PPP3CC: variants seen among roughly 807,000 people sequenced by gnomAD.
The protein encoded by PPP3CC is serine/threonine-protein phosphatase 2B catalytic subunit gamma isoform.
A neutral mutation model predicts 60.3 loss-of-function variants in PPP3CC; 35 were observed. The observed-to-expected ratio is 0.58, with a 90% CI of 0.44 to 0.77. The LOEUF is 0.77. PPP3CC is among the 30% of genes least tolerant of loss of function. The pLI, the probability that PPP3CC is intolerant of heterozygous loss-of-function variation, is 0.00. For synonymous variants in PPP3CC, 206 were observed against 224.3 expected (o/e 0.92, Z 0.73); for missense variants, 570 against 628.9 (o/e 0.91, Z 1.00).
intron 8 of PPP3CC, chr8:22,523,797 C>A: frequency 3.1e-6 from 1 of 317,710 alleles, no homozygotes; most frequent in Non-Finnish European, 6.6e-6. Flanking sequence ...GGGTCAGAAA[C>A]AAGGTATGAT....
At chr8:22,496,661 C>A (rs1467305124) in intron 3 of PPP3CC, among the ~76,000 whole-genome samples, 1 of 151,588 alleles carries the variant, frequency 6.6e-6, no homozygotes, top group Non-Finnish European at 1.5e-5. Context: ...CTACGCCCAG[C>A]TAATTTTTGT....
intron 6 of PPP3CC, among the ~76,000 whole-genome samples, chr8:22,513,661 C>T (rs934607584): frequency 6.6e-6 from 1 of 152,084 alleles, no homozygotes; most frequent in Non-Finnish European, 1.5e-5. Flanking sequence ...CTGCAGTGCT[C>T]TGATATTTTT....
At chr8:22,531,728 A>C (rs1267449217) in intron 10 of PPP3CC, among the ~76,000 whole-genome samples, 2 of 152,260 alleles carry the variant, frequency 1.3e-5, no homozygotes, top group African/African-American at 4.8e-5. Flanking sequence ...AGTGAAGCTT[A>C]TAGAATGAAA....
intron 13 of PPP3CC, among the ~76,000 whole-genome samples, chr8:22,540,041 T>C (rs111381660): frequency 0.018 from 2,795 of 152,346 alleles, 100 homozygotes; most frequent in African/African-American, 0.063. Flanking sequence ...AAAACGCGAA[T>C]GCCTTAACTT....
rs141436519 is a variant in PPP3CC, at chr8:22,469,877, T to A, written c.50-5077T>A. 5.4e-3 allele frequency among the ~76,000 whole-genome samples: 829 copies of A among 152,128 alleles called. 7 individuals are homozygous for A. The highest frequency in any genetic ancestry group is 0.019 in the African/African-American group (788 of 41,500). ...ATAAGTGATTATTGCCTTAAGCCAC[T>A]AAGTTTTGGGGTAATTTGTTACATG... On this transcript the variant is annotated intron_variant, in intron 1 of 13. Coordinates refer to ENST00000240139, the MANE Select transcript of PPP3CC (RefSeq NM_005605.5).
intron 4 of PPP3CC, among the ~76,000 whole-genome samples, chr8:22,503,391 G>A (rs1039812266): frequency 6.6e-6 from 1 of 152,122 alleles, no homozygotes; most frequent in Non-Finnish European, 1.5e-5. Flanking sequence ...TGTAATACTC[G>A]ATAAAAGCTA....
chr8:22,445,323 C>G (rs556901666), intron 1 of PPP3CC, among the ~76,000 whole-genome samples: 1 of 152,102 alleles, frequency 6.6e-6, no homozygotes, highest in African/African-American at 2.4e-5. Flanking sequence ...CCACAACTCT[C>G]CCCCGACTCT....
intron 4 of PPP3CC, 187 bp from the exon 5 acceptor site, chr8:22,510,899 A>T: frequency 1.8e-6 from 1 of 570,742 alleles, no homozygotes; most frequent in Non-Finnish European, 3.0e-6. Flanking sequence ...ACTTGTCTTT[A>T]AGAGGAGAGA....
At chr8:22,511,060 A>G (rs1464971700) in intron 4 of PPP3CC, 26 bp from the exon 5 acceptor site, 10 of 1,611,066 alleles carry the variant, frequency 6.2e-6, no homozygotes, top group East Asian at 2.2e-5. Flanking sequence ...TAGTTCTTCC[A>G]TTGACTGGTT....
chr8:22,501,912 G>A (rs910125616), intron 4 of PPP3CC, among the ~76,000 whole-genome samples: 23 of 152,278 alleles, frequency 1.5e-4, no homozygotes, highest in South Asian at 1.2e-3. Flanking sequence ...CTGTAGTCCC[G>A]GCCAGTTAAG....
intron 1 of PPP3CC, among the ~76,000 whole-genome samples, chr8:22,456,902 C>A (rs1837210371): frequency 6.6e-6 from 1 of 152,062 alleles, no homozygotes; most frequent in Non-Finnish European, 1.5e-5. Context: ...GCAGCTGACA[C>A]ATGGTAAAAA....
At chr8:22,532,385 T>A (rs1299176962) in intron 11 of PPP3CC, 79 bp downstream of exon 11, 24 of 1,263,658 alleles carry the variant, frequency 1.9e-5, no homozygotes, top group South Asian at 7.5e-5. Flanking sequence ...ACAGTTTTTT[T>A]ATAATTGGAA....
In PPP3CC at chr8:22,464,432, T is replaced by C. The variant is rs565768716; in HGVS notation, c.50-10522T>C. Among the ~76,000 whole-genome samples, 4 of 152,188 alleles carry C rather than the reference T, an allele frequency of 2.6e-5. No individual in the cohort carries two copies. In the East Asian group the frequency reaches 7.7e-4, roughly 29 times the overall value. On this transcript the variant is annotated intron_variant, in intron 1 of 13. Transcript: ENST00000240139. ...TCTCGCTCAGCTGTCTAGGCTGGAG[T>C]GCAGTGGCTGGATCATAGCTCACTG...
intron 1 of PPP3CC, among the ~76,000 whole-genome samples, chr8:22,462,189 G>T (rs972748712): frequency 2.6e-5 from 4 of 152,094 alleles, no homozygotes; most frequent in African/African-American, 9.7e-5. Context: ...ACTGCAGTGA[G>T]CTATGATCAT....
At chr8:22,447,219 G>C (rs547826695) in intron 1 of PPP3CC, among the ~76,000 whole-genome samples, 1 of 131,040 alleles carries the variant, frequency 7.6e-6, no homozygotes, top group Non-Finnish European at 1.6e-5. Context: ...TCGCTCTGTC[G>C]TCCAGGCTGG....
intron 1 of PPP3CC, among the ~76,000 whole-genome samples, chr8:22,453,697 C>T (rs1415048790): frequency 6.6e-6 from 1 of 152,184 alleles, no homozygotes; most frequent in South Asian, 2.1e-4. Context: ...AGATGTTACA[C>T]ACCTAGGCTG....
At chr8:22,486,056 C>T (rs192905123) in intron 3 of PPP3CC, among the ~76,000 whole-genome samples, 75 of 151,732 alleles carry the variant, frequency 4.9e-4, no homozygotes, top group Admixed American at 1.2e-3. Flanking sequence ...GCTTCCCCCC[C>T]GCCCTCTTGA....
rs182705612 is a variant in PPP3CC, at chr8:22,532,503, G to A, written c.1223+197G>A. On this transcript the variant is annotated intron_variant, in intron 11 of 13. Transcript: ENST00000240139. ...TTGATTTGTTAGTAGCTTAGATGTA[G>A]TGAATGTAGTGGTTTAGTGTGGACT... is the stretch of plus-strand genomic sequence containing the variant. Among the ~76,000 whole-genome samples the A allele has an allele frequency of 1.0e-3, 154 of 152,344 alleles. 1 individual carries two copies. The highest frequency in any genetic ancestry group is 1.7e-3 in the Non-Finnish European group (117 of 68,038).
intron 1 of PPP3CC, among the ~76,000 whole-genome samples, chr8:22,447,175 ATTTTTTTT>A (rs1161858120): frequency 8.6e-6 from 1 of 116,292 alleles, no homozygotes; most frequent in African/African-American, 3.1e-5. Flanking sequence ...TGTCCAACTA[ATTTTTTTT>A]TTTTTTTTTT....
Sources: gnomAD v4.1 joint callset for allele counts (sites outside exome capture counted in the v4.1 genomes callset) on GRCh38, gnomAD v4.1.1 for gene constraint, MANE v1.5 for transcripts, NCBI Gene and HGNC (gene_info 2026-07-23, HGNC 2026-07-21) for gene names.